Variants in KCND2 observed in about 807,000 individuals in gnomAD.
KCND2 encodes the protein potassium voltage-gated channel subfamily D member 2, also known as A-type voltage-gated potassium channel KCND2.
In KCND2, 16 loss-of-function variants were observed where a neutral mutation model predicts 54.4. The ratio of observed to expected loss-of-function variants is 0.29; its 90% CI spans 0.20 to 0.45. The LOEUF is 0.45. Among genes scored for constraint, KCND2 ranks in the 20% least tolerant of loss-of-function variants. KCND2 has a pLI of 1.00. For synonymous variants in KCND2, 317 were observed against 310.7 expected, an observed-to-expected ratio of 1.02 and a Z score of -0.21; for missense variants, 486 against 824.2, an observed-to-expected ratio of 0.59 and a Z score of 5.02.
chr7:120,498,905 A>G (rs1469562760), intron 1 of KCND2, among the ~76,000 whole-genome samples: 3 of 152,170 alleles, frequency 2.0e-5, no homozygotes, highest in Admixed American at 6.5e-5. Flanking sequence ...ACAATTTTGT[A>G]TTTTGTTTAG....
chr7:120,342,304 T>C (rs527749220), intron 1 of KCND2, among the ~76,000 whole-genome samples: 1 of 152,294 alleles, frequency 6.6e-6, no homozygotes, highest in East Asian at 1.9e-4. Context: ...AGTACAATGA[T>C]GTATGTAAAA....
intron 1 of KCND2, among the ~76,000 whole-genome samples, chr7:120,310,797 G>A (rs190415811): frequency 6.6e-6 from 1 of 151,878 alleles, no homozygotes; most frequent in African/African-American, 2.4e-5. Context: ...TTAACTTGGC[G>A]TGGTGGTGCA....
intron 1 of KCND2, among the ~76,000 whole-genome samples, chr7:120,460,687 G>T (rs1408325870): frequency 1.3e-5 from 2 of 151,720 alleles, no homozygotes; most frequent in African/African-American, 4.8e-5. Context: ...GCTTGTGAAG[G>T]TATCGGAGGC....
chr7:120,356,150 T>C (rs1336144879), intron 1 of KCND2, among the ~76,000 whole-genome samples: 2 of 152,116 alleles, frequency 1.3e-5, no homozygotes, highest in Non-Finnish European at 2.9e-5. Context: ...TAACCTTGAA[T>C]TGAGGGAGGG....
At chr7:120,317,904 T>G (rs960261743) in intron 1 of KCND2, among the ~76,000 whole-genome samples, 1 of 152,174 alleles carries the variant, frequency 6.6e-6, no homozygotes, top group Admixed American at 6.5e-5. Context: ...TGAAAAACTT[T>G]AAGATACACA....
At chr7:120,401,182 A>G (rs1479640618) in intron 1 of KCND2, among the ~76,000 whole-genome samples, 1 of 152,162 alleles carries the variant, frequency 6.6e-6, no homozygotes, top group Non-Finnish European at 1.5e-5. Flanking sequence ...GCAGGGAGCA[A>G]AAAATCTAGG....
chr7:120,674,746 G>A (rs1295427886), intron 1 of KCND2, among the ~76,000 whole-genome samples: 1 of 152,118 alleles, frequency 6.6e-6, no homozygotes, highest in Non-Finnish European at 1.5e-5. Context: ...CTAATGTCAT[G>A]GTCAAACACA....
At chr7:120,463,463 T>G (rs1802315935) in intron 1 of KCND2, among the ~76,000 whole-genome samples, 1 of 151,494 alleles carries the variant, frequency 6.6e-6, no homozygotes, top group African/African-American at 2.4e-5. Context: ...ATACATTGTG[T>G]TAAGTGTAAT....
chr7:120,493,647 C>T (rs777352174), intron 1 of KCND2, among the ~76,000 whole-genome samples: 19 of 151,908 alleles, frequency 1.3e-4, no homozygotes, highest in Non-Finnish European at 2.6e-4. Flanking sequence ...TAAAAGAATA[C>T]GAATTAAGAT....
At chr7:120,351,406 A>ACTCTCT (rs1392140980) in intron 1 of KCND2, among the ~76,000 whole-genome samples, 38 of 123,522 alleles carry the variant, frequency 3.1e-4, no homozygotes, top group African/African-American at 1.0e-3. Context: ...ACACACACAC[A>ACTCTCT]CACACACTCT....
intron 1 of KCND2, among the ~76,000 whole-genome samples, chr7:120,477,862 T>C (rs1802552949): frequency 1.3e-5 from 2 of 152,206 alleles, no homozygotes; most frequent in African/African-American, 4.8e-5. Flanking sequence ...TGAGTATCTA[T>C]AATTATTACA....
chr7:120,346,855 AATT>A (rs1374650048), intron 1 of KCND2, among the ~76,000 whole-genome samples: 1 of 152,190 alleles, frequency 6.6e-6, no homozygotes, highest in Non-Finnish European at 1.5e-5. Context: ...ACATGAAAAG[AATT>A]ATTAATAACA....
intron 1 of KCND2, among the ~76,000 whole-genome samples, chr7:120,680,571 G>A (rs1267572624): frequency 1.3e-5 from 2 of 152,052 alleles, no homozygotes; most frequent in Non-Finnish European, 2.9e-5. Context: ...TCATGTTAGC[G>A]AGGCCTTCTC....
chr7:120,471,798 C>T (rs1584792844), intron 1 of KCND2, among the ~76,000 whole-genome samples: 3 of 151,998 alleles, frequency 2.0e-5, no homozygotes, highest in Admixed American at 6.6e-5. Context: ...CTTTTTATTA[C>T]TTTCTGATAT....
intron 1 of KCND2, among the ~76,000 whole-genome samples, chr7:120,473,483 G>A (rs1425484976): frequency 2.0e-5 from 3 of 152,086 alleles, no homozygotes; most frequent in Non-Finnish European, 4.4e-5. Flanking sequence ...CTGCTCAAAT[G>A]TCATCTTCTC....
At chr7:120,549,090 C>T (rs1424266148) in intron 1 of KCND2, among the ~76,000 whole-genome samples, 5 of 151,996 alleles carry the variant, frequency 3.3e-5, no homozygotes, top group African/African-American at 1.2e-4. Flanking sequence ...GAAACTGACC[C>T]CACATCCATT....
chr7:120,560,489 T>C (rs765049526), intron 1 of KCND2, among the ~76,000 whole-genome samples: 13 of 152,236 alleles, frequency 8.5e-5, no homozygotes, highest in Non-Finnish European at 1.5e-4. Flanking sequence ...ATTCAGTTTC[T>C]ATGGAGCCCT....
intron 1 of KCND2, among the ~76,000 whole-genome samples, chr7:120,475,442 C>G (rs1562849194): frequency 6.6e-6 from 1 of 152,138 alleles, no homozygotes; most frequent in Non-Finnish European, 1.5e-5. Flanking sequence ...CTATCCCTTT[C>G]TTTATTTGTA....
At chr7:120,564,024 CAGA>C (rs970284307) in intron 1 of KCND2, among the ~76,000 whole-genome samples, 5 of 151,848 alleles carry the variant, frequency 3.3e-5, no homozygotes, top group African/African-American at 1.2e-4. Flanking sequence ...CATATACCAG[CAGA>C]AGAATAAACA....
Sources: gnomAD v4.1 joint callset for allele counts (sites outside exome capture counted in the v4.1 genomes callset) on GRCh38, gnomAD v4.1.1 for gene constraint, MANE v1.5 for transcripts, NCBI Gene and HGNC (gene_info 2026-07-23, HGNC 2026-07-21) for gene names.